The following BMPR1A variants were observed in gnomAD, a reference collection of about 807,000 sequenced individuals.
The protein encoded by BMPR1A is bone morphogenetic protein receptor type-1A.
Under a neutral mutation model 66.0 loss-of-function variants are expected in BMPR1A, and 7 were observed. The observed-to-expected ratio is 0.11, with a 90% CI of 0.06 to 0.20. BMPR1A has a LOEUF of 0.20. BMPR1A is among the 10% of genes least tolerant of loss of function. The probability of loss-of-function intolerance (pLI) is 1.00; values close to 1 mark genes in which losing one functional copy is unlikely to be tolerated. For synonymous variants in BMPR1A, 200 were observed against 229.7 expected, an observed-to-expected ratio of 0.87 and a Z score of 1.17; for missense variants, 408 against 669.1, an observed-to-expected ratio of 0.61 and a Z score of 4.31.
intron 1 of BMPR1A, among the ~76,000 whole-genome samples, chr10:86,777,850 C>T (rs1841377146): frequency 6.6e-6 from 1 of 151,744 alleles, no homozygotes; most frequent in African/African-American, 2.4e-5. Flanking sequence ...CCCGTCTCTA[C>T]TAAAAATACA....
At chr10:86,778,029 T>C (rs1264531908) in intron 1 of BMPR1A, among the ~76,000 whole-genome samples, 2 of 151,620 alleles carry the variant, frequency 1.3e-5, no homozygotes, top group Non-Finnish European at 2.9e-5. Context: ...AAAAATTAAA[T>C]TGACAAATGT....
intron 2 of BMPR1A, among the ~76,000 whole-genome samples, chr10:86,845,276 T>TC (rs1198907762): frequency 6.6e-6 from 1 of 152,156 alleles, no homozygotes; most frequent in Non-Finnish European, 1.5e-5. Context: ...GTGATCCAGT[T>TC]CCCCCTGCGG....
At chr10:86,803,218 A>G (rs1841837137) in intron 1 of BMPR1A, among the ~76,000 whole-genome samples, 1 of 152,154 alleles carries the variant, frequency 6.6e-6, no homozygotes, top group Non-Finnish European at 1.5e-5. Flanking sequence ...CAAGGTTGCT[A>G]CATGAAACAG....
chr10:86,870,099 C>T (rs145814404), intron 2 of BMPR1A, among the ~76,000 whole-genome samples: 5 of 152,122 alleles, frequency 3.3e-5, no homozygotes, highest in East Asian at 1.9e-4. Context: ...AGTTTTTAGA[C>T]GAATGGTGTT....
intron 1 of BMPR1A, among the ~76,000 whole-genome samples, chr10:86,790,185 AAAAATATATATATATATATATAT>A (rs1841587656): frequency 1.8e-4 from 6 of 33,998 alleles, no homozygotes; most frequent in African/African-American, 9.5e-4. Flanking sequence ...AAAAAAAAAA[AAAAATATATATATATATATATAT>A]ATATATATAT....
intron 1 of BMPR1A, among the ~76,000 whole-genome samples, chr10:86,772,312 A>G (rs1841277766): frequency 6.6e-6 from 1 of 151,816 alleles, no homozygotes; most frequent in Non-Finnish European, 1.5e-5. Flanking sequence ...TTGTATTTTT[A>G]GTAGAGACGG....
intron 1 of BMPR1A, among the ~76,000 whole-genome samples, chr10:86,776,245 C>G (rs1841346146): frequency 6.6e-6 from 1 of 152,064 alleles, no homozygotes; most frequent in Admixed American, 6.6e-5. Flanking sequence ...AACAACTGCC[C>G]TAATTTTTAG....
At chr10:86,888,900 C>T (rs1452857035) in intron 3 of BMPR1A, among the ~76,000 whole-genome samples, 1 of 151,166 alleles carries the variant, frequency 6.6e-6, no homozygotes, top group African/African-American at 2.4e-5. Flanking sequence ...TTTAGCAGCA[C>T]TTTTTCTGTT....
At chr10:86,810,117 C>T (rs1397346160) in intron 1 of BMPR1A, among the ~76,000 whole-genome samples, 1 of 151,730 alleles carries the variant, frequency 6.6e-6, no homozygotes, top group Non-Finnish European at 1.5e-5. Flanking sequence ...ATTACAGGCG[C>T]CCACCACCAC....
At chr10:86,782,853 C>G (rs1841458119) in intron 1 of BMPR1A, among the ~76,000 whole-genome samples, 1 of 151,952 alleles carries the variant, frequency 6.6e-6, no homozygotes, top group African/African-American at 2.4e-5. Flanking sequence ...GATTGCTTGC[C>G]TTGCTGCACA....
At chr10:86,789,769 A>T (rs1166836181) in intron 1 of BMPR1A, among the ~76,000 whole-genome samples, 1 of 152,022 alleles carries the variant, frequency 6.6e-6, no homozygotes, top group Non-Finnish European at 1.5e-5. Flanking sequence ...AATCTAATTT[A>T]AAAACAGGCA....
At chr10:86,861,533 A>G (rs980905956) in intron 2 of BMPR1A, among the ~76,000 whole-genome samples, 1 of 152,234 alleles carries the variant, frequency 6.6e-6, no homozygotes, top group East Asian at 1.9e-4. Flanking sequence ...CATGCTTTGA[A>G]GTTCCCTTTG....
chr10:86,913,226 A>G (rs1389719606), intron 8 of BMPR1A, among the ~76,000 whole-genome samples: 1 of 151,722 alleles, frequency 6.6e-6, no homozygotes, highest in African/African-American at 2.4e-5. Context: ...CCCAAGTTCA[A>G]GCAATTCCCG....
chr10:86,930,965 T>G (rs2133666400), downstream of BMPR1A: 1 of 152,070 alleles, frequency 6.6e-6, no homozygotes, highest in African/African-American at 2.4e-5. Flanking sequence ...TTGAAAATAT[T>G]TTTGGCTGGG....
chr10:86,836,625 C>T (rs1238739964), intron 1 of BMPR1A, among the ~76,000 whole-genome samples: 2 of 152,080 alleles, frequency 1.3e-5, no homozygotes, highest in African/African-American at 4.8e-5. Context: ...TGACGAGACC[C>T]TGTCTCTACA....
At chr10:86,898,464 A>G (rs895636266) in intron 5 of BMPR1A, among the ~76,000 whole-genome samples, 3 of 152,156 alleles carry the variant, frequency 2.0e-5, no homozygotes, top group Admixed American at 6.5e-5. Flanking sequence ...AAGGAATACA[A>G]ACGCATCGTA....
chr10:86,849,437 C>T (rs578041113), intron 2 of BMPR1A, among the ~76,000 whole-genome samples: 12 of 152,288 alleles, frequency 7.9e-5, no homozygotes, highest in South Asian at 4.1e-4. Flanking sequence ...GATCCCATTG[C>T]CTAGAATTAA....
chr10:86,788,759 A>G (rs1173763731), intron 1 of BMPR1A, among the ~76,000 whole-genome samples: 4 of 151,946 alleles, frequency 2.6e-5, no homozygotes, highest in African/African-American at 9.7e-5. Flanking sequence ...AGGTGCCTGC[A>G]CCATGCCCGG....
chr10:86,846,522 T>C (rs570952370), intron 2 of BMPR1A, among the ~76,000 whole-genome samples: 41 of 152,296 alleles, frequency 2.7e-4, no homozygotes, highest in Admixed American at 2.3e-3. Context: ...TGGTCTCTTA[T>C]TTCCTTTTTG....
Sources: allele counts gnomAD v4.1 joint callset (sites outside exome capture counted in the v4.1 genomes callset), GRCh38; gene constraint gnomAD v4.1.1; transcripts MANE v1.5; gene names NCBI Gene and HGNC (gene_info 2026-07-23, HGNC 2026-07-21).